The following LMNTD1 variants were observed in gnomAD, a reference collection of about 807,000 sequenced individuals.
LMNTD1 encodes the protein lamin tail domain containing 1.
In LMNTD1, 35 loss-of-function variants were observed where a neutral mutation model predicts 50.9. The ratio of observed to expected loss-of-function variants is 0.69; its 90% CI spans 0.53 to 0.91. LMNTD1 has a LOEUF of 0.91. Among genes scored for constraint, LMNTD1 ranks in the 40% least tolerant of loss-of-function variants. The pLI is 0.00. For missense variants in LMNTD1, 470 were observed against 475.5 expected (o/e 0.99, Z 0.11); for synonymous variants, 153 against 161.9 (o/e 0.94, Z 0.42).
intron 1 of LMNTD1, among the ~76,000 whole-genome samples, chr12:25,647,579 A>T (rs1947102251): frequency 6.6e-6 from 1 of 152,242 alleles, no homozygotes; most frequent in Non-Finnish European, 1.5e-5. Context: ...ATATAAGTTT[A>T]AAAAATAAAA....
intron 1 of LMNTD1, among the ~76,000 whole-genome samples, chr12:25,622,203 G>A (rs1411352525): frequency 2.6e-5 from 4 of 152,096 alleles, no homozygotes; most frequent in Admixed American, 1.3e-4. Context: ...TTTGGGTTTC[G>A]AATATGCTTC....
At chr12:25,600,260 A>G (rs1470062900) in intron 1 of LMNTD1, among the ~76,000 whole-genome samples, 1 of 152,096 alleles carries the variant, frequency 6.6e-6, no homozygotes, top group Non-Finnish European at 1.5e-5. Flanking sequence ...GAAGAATGAA[A>G]CTATATCCCT....
At chr12:25,537,811 G>A (rs1456812923) in intron 4 of LMNTD1, among the ~76,000 whole-genome samples, 1 of 151,894 alleles carries the variant, frequency 6.6e-6, no homozygotes, top group East Asian at 1.9e-4. Flanking sequence ...AGGCAAAGAA[G>A]TTGAAAACTT....
At chr12:25,586,096 AAC>A (rs1413824950) in intron 1 of LMNTD1, 2 of 152,196 alleles carry the variant, frequency 1.3e-5, no homozygotes, top group Non-Finnish European at 2.9e-5. Flanking sequence ...GGATTATCTA[AAC>A]CTTTGGAGGA....
intron 6 of LMNTD1, among the ~76,000 whole-genome samples, chr12:25,522,365 C>A (rs1301163306): frequency 6.6e-6 from 1 of 152,054 alleles, no homozygotes; most frequent in Admixed American, 6.5e-5. Context: ...ATTGTAGGAA[C>A]TTGAGAGAAT....
At chr12:25,544,372 T>C (rs201711134) in intron 4 of LMNTD1, among the ~76,000 whole-genome samples, 14,914 of 123,156 alleles carry the variant, frequency 0.12, 904 homozygotes, top group East Asian at 0.25. Flanking sequence ...TTTATCTAAG[T>C]ATAGCTACTC....
intron 1 of LMNTD1, among the ~76,000 whole-genome samples, chr12:25,610,485 CTTCA>C (rs1016031602): frequency 1.3e-5 from 2 of 152,072 alleles, no homozygotes; most frequent in African/African-American, 4.8e-5. Flanking sequence ...GACCCCGCAC[CTTCA>C]TTTAGATTTA....
intron 4 of LMNTD1, among the ~76,000 whole-genome samples, chr12:25,535,183 G>A (rs753414331): frequency 8.6e-5 from 13 of 152,036 alleles, no homozygotes; most frequent in African/African-American, 1.9e-4. Context: ...ACACTGGATG[G>A]GATTAACATA....
At chr12:25,636,086 T>C (rs1946827048) in intron 1 of LMNTD1, among the ~76,000 whole-genome samples, 1 of 152,174 alleles carries the variant, frequency 6.6e-6, no homozygotes, top group African/African-American at 2.4e-5. Context: ...AAAGATTTTA[T>C]GACCAAGAAC....
intron 1 of LMNTD1, among the ~76,000 whole-genome samples, chr12:25,641,345 A>T (rs1316259401): frequency 6.6e-6 from 1 of 152,226 alleles, no homozygotes; most frequent in Non-Finnish European, 1.5e-5. Context: ...ATGAACAGCA[A>T]TAAGAAAATT....
chr12:25,635,165 A>G (rs143456300), intron 1 of LMNTD1, among the ~76,000 whole-genome samples: 3,182 of 148,540 alleles, frequency 0.021, 46 homozygotes, highest in Non-Finnish European at 0.033. Flanking sequence ...GCTTAAACCC[A>G]GGAGGTGGAG....
chr12:25,549,790 G>GA (rs1432241435), intron 2 of LMNTD1, among the ~76,000 whole-genome samples: 2 of 151,976 alleles, frequency 1.3e-5, no homozygotes, highest in Non-Finnish European at 2.9e-5. Flanking sequence ...AGATAGTTCT[G>GA]AAAATGTGTA....
chr12:25,502,900 G>GC (rs779641369), intron 9 of LMNTD1: 1 of 152,274 alleles, frequency 6.6e-6, no homozygotes, highest in Non-Finnish European at 1.5e-5. Flanking sequence ...CATGAGGAGA[G>GC]CTGGAGAAAC....
chr12:25,559,010 C>T (rs996510596), intron 1 of LMNTD1, among the ~76,000 whole-genome samples: 2 of 151,362 alleles, frequency 1.3e-5, no homozygotes, highest in Admixed American at 6.6e-5. Flanking sequence ...ATGCTAATCC[C>T]CCAATTTTAT....
chr12:25,512,246 G>A (rs1940358885), intron 8 of LMNTD1, among the ~76,000 whole-genome samples: 2 of 152,176 alleles, frequency 1.3e-5, no homozygotes, highest in African/African-American at 4.8e-5. Context: ...TTCAACAGTT[G>A]ACAGTGGAAA....
chr12:25,550,262 G>C (rs1943673569), intron 2 of LMNTD1, among the ~76,000 whole-genome samples: 1 of 152,098 alleles, frequency 6.6e-6, no homozygotes, highest in Non-Finnish European at 1.5e-5. Flanking sequence ...ATTTGAACAA[G>C]GTTCATAAGC....
chr12:25,642,746 A>C (rs987593046), intron 1 of LMNTD1, among the ~76,000 whole-genome samples: 1 of 152,228 alleles, frequency 6.6e-6, no homozygotes, highest in East Asian at 1.9e-4. Flanking sequence ...AGAAAAGAAA[A>C]GCATGGAGAG....
At chr12:25,559,015 T>C (rs916148687) in intron 1 of LMNTD1, among the ~76,000 whole-genome samples, 5 of 151,796 alleles carry the variant, frequency 3.3e-5, no homozygotes, top group African/African-American at 1.2e-4. Flanking sequence ...AATCCCCCAA[T>C]TTTATTTAAT....
At chr12:25,602,302 A>AAAAG (rs1189710288) in intron 1 of LMNTD1, among the ~76,000 whole-genome samples, 2 of 151,876 alleles carry the variant, frequency 1.3e-5, no homozygotes, top group South Asian at 2.1e-4. Context: ...ATCCAAAGAA[A>AAAAG]AAAGAAAGAA....
Sources: allele counts gnomAD v4.1 joint callset (sites outside exome capture counted in the v4.1 genomes callset), GRCh38; gene constraint gnomAD v4.1.1; transcripts MANE v1.5; gene names NCBI Gene and HGNC (gene_info 2026-07-23, HGNC 2026-07-21).